Variants in DENND2B observed in about 807,000 individuals in gnomAD.
DENND2B encodes DENN domain containing 2B, also known as DENN domain-containing protein 2B.
Under a neutral mutation model 116.0 loss-of-function variants are expected in DENND2B, and 32 were observed. That is an observed-to-expected ratio of 0.28 (90% CI 0.21 to 0.37). The LOEUF (loss-of-function observed/expected upper bound fraction) is 0.37. DENND2B is among the 10% of genes least tolerant of loss of function. DENND2B has a pLI of 1.00. For missense variants in DENND2B, 1,276 were observed against 1,477.7 expected, an observed-to-expected ratio of 0.86 and a Z score of 2.24; for synonymous variants, 588 against 583.9, an observed-to-expected ratio of 1.01 and a Z score of -0.10.
At chr11:8,790,178 G>A (rs1489649138) in intron 1 of DENND2B, among the ~76,000 whole-genome samples, 1 of 152,142 alleles carries the variant, frequency 6.6e-6, no homozygotes, top group Non-Finnish European at 1.5e-5. Context: ...TCCTTATAAA[G>A]GAACTATGCC....
chr11:8,716,682 G>A (rs1452248390), intron 5 of DENND2B, among the ~76,000 whole-genome samples: 2 of 149,530 alleles, frequency 1.3e-5, no homozygotes, highest in Non-Finnish European at 3.0e-5. Context: ...GAGTCTCGCT[G>A]TGTCGCCCAG....
At position 8,804,047 on chromosome 11, in the gene DENND2B, C is replaced by T. The variant is rs114530424; in HGVS notation, c.-26+6470G>A. Among the ~76,000 whole-genome samples the T allele has an allele frequency of 1.1e-3, 163 of 152,326 alleles. 1 individual carries two copies. Among genetic ancestry groups the T allele is most frequent in the African/African-American group, 3.7e-3 (154 of 41,580 alleles). On this transcript the variant is annotated intron_variant, in intron 1 of 19. Coordinates refer to ENST00000313726, the MANE Select transcript of DENND2B (RefSeq NM_213618.2). ...GCAGTTCTGGATGGACGGGTCTCCCCGTCTGTGAGGAGTGAGCATCCCACA... is the reference window on the plus strand; with the variant it reads ...GCAGTTCTGGATGGACGGGTCTCCCTGTCTGTGAGGAGTGAGCATCCCACA...
chr11:8,757,567 A>C (rs1329703396), intron 1 of DENND2B, among the ~76,000 whole-genome samples: 1 of 152,374 alleles, frequency 6.6e-6, no homozygotes, highest in East Asian at 1.9e-4. Context: ...AAGGAAAAGC[A>C]AAGGAGCATT....
chr11:8,784,030 G>C (rs1181645649), intron 1 of DENND2B: 2 of 152,162 alleles, frequency 1.3e-5, no homozygotes, highest in African/African-American at 4.8e-5. Context: ...TTCTGAACCT[G>C]CCACAGGACC....
At chr11:8,875,965 A>G (rs1457008839), upstream of DENND2B, among the ~76,000 whole-genome samples, 1 of 114,384 alleles carries the variant, frequency 8.7e-6, no homozygotes, top group Non-Finnish European at 1.9e-5. Flanking sequence ...TACATGAGAT[A>G]TTCAACACTT....
At chr11:8,734,549 A>G (rs1198627807) in intron 2 of DENND2B, among the ~76,000 whole-genome samples, 1 of 152,116 alleles carries the variant, frequency 6.6e-6, no homozygotes, top group Non-Finnish European at 1.5e-5. Flanking sequence ...GCACTTTGGG[A>G]GGCTGAGACA....
chr11:8,695,851 A>G (rs1188569147), intron 18 of DENND2B: 1 of 449,280 alleles, frequency 2.2e-6, no homozygotes, highest in East Asian at 4.2e-5. Context: ...AGCTTCCTTC[A>G]GACAACTCTA....
At chr11:8,773,533 G>A (rs11042059) in intron 1 of DENND2B, among the ~76,000 whole-genome samples, 52,695 of 151,944 alleles carry the variant, frequency 0.35, 11,101 homozygotes, top group Non-Finnish European at 0.45. Context: ...CCTAACTCTC[G>A]GAAACCCAAT....
At chr11:8,710,792 C>CA in intron 11 of DENND2B, 53 bp downstream of exon 11, 1 of 1,447,612 alleles carries the variant, frequency 6.9e-7, no homozygotes, top group African/African-American at 1.4e-5. Context: ...CACACACACA[C>CA]ACCCTGGCCT....
intron 1 of DENND2B, among the ~76,000 whole-genome samples, chr11:8,754,036 C>CACACAG (rs2053141964): frequency 2.0e-5 from 3 of 151,744 alleles, no homozygotes; most frequent in African/African-American, 7.3e-5. Context: ...CGCGCACACA[C>CACACAG]ACACACACAC....
chr11:8,776,171 CA>C (rs2057683571), intron 1 of DENND2B: 1 of 453,876 alleles, frequency 2.2e-6, no homozygotes, highest in Non-Finnish European at 4.4e-6. Flanking sequence ...CACACACACA[CA>C]CACACACACA....
chr11:8,902,366 T>C (rs2064181686), intron 1 of DENND2B, among the ~76,000 whole-genome samples: 1 of 151,818 alleles, frequency 6.6e-6, no homozygotes, highest in Non-Finnish European at 1.5e-5. Flanking sequence ...AGTCCCCAAC[T>C]ACCACTGTTG....
intron 3 of DENND2B, among the ~76,000 whole-genome samples, chr11:8,851,827 G>GTA (rs1478775147): frequency 6.6e-6 from 1 of 151,896 alleles, no homozygotes; most frequent in African/African-American, 2.4e-5. Context: ...ATATATTTTG[G>GTA]TATATATATA....
chr11:8,804,162 C>T (rs1005646097), intron 1 of DENND2B, among the ~76,000 whole-genome samples: 11 of 152,196 alleles, frequency 7.2e-5, no homozygotes, highest in Non-Finnish European at 1.3e-4. Context: ...GGGCGGCTGC[C>T]GTGTCCTCAA....
chr11:8,736,672 A>G (rs1232441881), intron 2 of DENND2B, among the ~76,000 whole-genome samples: 1 of 152,244 alleles, frequency 6.6e-6, no homozygotes, highest in Non-Finnish European at 1.5e-5. Flanking sequence ...TGTTCCAGAC[A>G]GAAAGTGCAG....
intron 2 of DENND2B, among the ~76,000 whole-genome samples, chr11:8,859,751 C>T (rs968986294): frequency 6.6e-6 from 1 of 152,142 alleles, no homozygotes; most frequent in South Asian, 2.1e-4. Context: ...CTCAGCACTG[C>T]CCCACTACCC....
intron 2 of DENND2B, among the ~76,000 whole-genome samples, chr11:8,740,945 C>A (rs926438132): frequency 6.6e-6 from 1 of 152,166 alleles, no homozygotes; most frequent in Non-Finnish European, 1.5e-5. Flanking sequence ...AGTTTGTTCC[C>A]CAGCCTAGAG....
In DENND2B at chr11:8,711,091, C is replaced by T. The variant is rs567460187; in HGVS notation, c.2282+31G>A. On this transcript the variant is annotated intron_variant, in intron 10 of 19. Coordinates refer to ENST00000313726, the MANE Select transcript of DENND2B (RefSeq NM_213618.2). Reference sequence around the variant, plus strand: ...CTATGGGGGTAAAGAAGGCTATGCTCCTTCCTCCCTCAGGCCAGGCCAGGC... The same window carrying T: ...CTATGGGGGTAAAGAAGGCTATGCTTCTTCCTCCCTCAGGCCAGGCCAGGC... 1.1e-4 allele frequency: 173 copies of T among 1,608,362 alleles called. 2 individuals are homozygous for T. In the Admixed American group the frequency reaches 2.8e-3, roughly 26 times the overall value.
In DENND2B at chr11:8,851,411, A is replaced by G. The variant is rs147878763; in HGVS notation, c.-156+5932T>C. Among the ~76,000 whole-genome samples the G allele has an allele frequency of 1.4e-3, 219 of 152,352 alleles. 2 individuals carry two copies. The highest frequency in any genetic ancestry group is 4.4e-3 in the African/African-American group (185 of 41,582). ...GAGAAAATATTCAAGCTCCATAGCAATCCAAGAAATGGAAATTAAAACAGA... is the reference window on the plus strand; with the variant it reads ...GAGAAAATATTCAAGCTCCATAGCAGTCCAAGAAATGGAAATTAAAACAGA... On this transcript the variant is annotated intron_variant, in intron 3 of 6. Coordinates refer to the DENND2B transcript ENST00000524757.
Sources: allele counts gnomAD v4.1 joint callset (sites outside exome capture counted in the v4.1 genomes callset), GRCh38; gene constraint gnomAD v4.1.1; transcripts MANE v1.5; gene names NCBI Gene and HGNC (gene_info 2026-07-23, HGNC 2026-07-21).